Variants in PCDHGB6 observed in about 807,000 individuals in gnomAD.
PCDHGB6 encodes protocadherin gamma-B6.
In PCDHGB6, 51 loss-of-function variants were observed where a neutral mutation model predicts 59.1. The observed-to-expected ratio is 0.86, with a 90% confidence interval of 0.69 to 1.09. The LOEUF (loss-of-function observed/expected upper bound fraction) is 1.09. Ranked by LOEUF, PCDHGB6 falls within the 50% of genes least tolerant of loss-of-function variation. PCDHGB6 has a pLI of 0.00. For missense variants in PCDHGB6, 1,148 were observed against 1,205.1 expected, an observed-to-expected ratio of 0.95 and a Z score of 0.70; for synonymous variants, 466 against 495.1, an observed-to-expected ratio of 0.94 and a Z score of 0.78.
chr5:141,432,079 G>A lies in PCDHGB6; in HGVS notation c.2418+21459G>A, dbSNP rs138510025. On this transcript the variant is annotated intron_variant, in intron 1 of 3. Transcript: ENST00000520790. The surrounding 1 kb of genome is among the most constrained non-coding windows in gnomAD (Gnocchi z 6.0). ...TATCCACGGAAACTCATATCTCGCT[G>A]AACGTGGCAGACACCAACGACAACC... 1.6e-4 allele frequency: 252 copies of A among 1,614,054 alleles called. No homozygotes were observed. The highest frequency in any genetic ancestry group is 8.1e-5 in the Non-Finnish European group (96 of 1,180,048).
intron 1 of PCDHGB6, among the ~76,000 whole-genome samples, chr5:141,425,869 C>T (rs1376765137): frequency 2.0e-5 from 3 of 152,198 alleles, no homozygotes. Context: ...TATAGATTCC[C>T]ATCTCTAAGG....
At position 141,485,704 on chromosome 5, in the gene PCDHGB6, CTT is replaced by C; in HGVS notation, c.2419-9101_2419-9100del. On this transcript the variant is annotated intron_variant, in intron 1 of 3. Coordinates refer to ENST00000520790, the MANE Select transcript of PCDHGB6 (RefSeq NM_018926.3). The surrounding 1 kb of genome is among the most constrained non-coding windows in gnomAD (Gnocchi z 5.7). ...GCTATAGGCTGAGCTCCAATGAACA[CTT>C]TGCACTGGATGTGAAGAAGCGCAGC... is the stretch of plus-strand genomic sequence containing the variant. 6.2e-7 allele frequency: 1 copy of C among 1,614,180 alleles called. No homozygotes were observed. The highest frequency in any genetic ancestry group is 8.5e-7 in the Non-Finnish European group (1 of 1,180,032).
At chr5:141,425,248 G>GGCTGGGAAA (rs2096864506) in intron 1 of PCDHGB6, among the ~76,000 whole-genome samples, 1 of 152,178 alleles carries the variant, frequency 6.6e-6, no homozygotes, top group Non-Finnish European at 1.5e-5. Context: ...AAAAGGATAT[G>GGCTGGGAAA]AGGTATTTGG....
rs757503771 is a variant in PCDHGB6 at position 141,433,052 on chromosome 5, A to C, written c.2418+22432A>C. 31 of 1,614,060 alleles carry C rather than the reference A, an allele frequency of 1.9e-5. No homozygotes were observed. Among genetic ancestry groups the C allele is most frequent in the Non-Finnish European group, 1.8e-5 (21 of 1,180,044 alleles). On this transcript the variant is annotated intron_variant, in intron 1 of 3. Coordinates refer to ENST00000520790, the MANE Select transcript of PCDHGB6 (RefSeq NM_018926.3). ...GGTTTCCCTCACCACGGACTCGCGG[A>C]AGAGTCACCTGATCTTCCCCCAGCC...
rs2096144450 is a variant in PCDHGB6 at position 141,417,665 on chromosome 5, T to C, written c.2418+7045T>C. On this transcript the variant is annotated intron_variant, in intron 1 of 3. Coordinates refer to ENST00000520790, the MANE Select transcript of PCDHGB6 (RefSeq NM_018926.3). ...CCTCAGCCTCTAGCCTGGGATTCCCTGCGCAGCCAACAACAGAAAAGAAAA... is the reference window on the plus strand; with the variant it reads ...CCTCAGCCTCTAGCCTGGGATTCCCCGCGCAGCCAACAACAGAAAAGAAAA... 3.3e-6 allele frequency: 3 copies of C among 915,730 alleles called. No individual in the cohort carries two copies. In the South Asian group the frequency reaches 5.8e-5, roughly 18 times the overall value. 56.7% of individuals were successfully genotyped at this position (915,730 alleles called of 1,614,324 possible).
chr5:141,419,119 C>T lies in PCDHGB6; in HGVS notation c.2418+8499C>T. 2.5e-6 allele frequency: 4 copies of T among 1,613,896 alleles called. No individual in the cohort carries two copies. The South Asian group carries it at 3.3e-5, about 13-fold the overall frequency. Reference sequence around the variant, plus strand: ...GGGAGCAGACCCCAGAGTACAACGTCACCATCGCAGCCACAGACAGGGGCA... The same window carrying T: ...GGGAGCAGACCCCAGAGTACAACGTTACCATCGCAGCCACAGACAGGGGCA... On this transcript the variant is annotated intron_variant, in intron 1 of 3. Coordinates refer to ENST00000520790, the MANE Select transcript of PCDHGB6 (RefSeq NM_018926.3).
intron 1 of PCDHGB6, among the ~76,000 whole-genome samples, chr5:141,460,307 C>A (rs1025049001): frequency 6.6e-6 from 1 of 152,102 alleles, no homozygotes; most frequent in African/African-American, 2.4e-5. Context: ...TATTCAAAAA[C>A]TCCTTGCCTA....
intron 1 of PCDHGB6, chr5:141,413,946 G>A: frequency 6.2e-7 from 1 of 1,613,414 alleles, no homozygotes; most frequent in Non-Finnish European, 8.5e-7. Flanking sequence ...GTGTTCCTGA[G>A]AATTTGCCTG....
intron 1 of PCDHGB6, chr5:141,415,035 C>T (rs368588973): frequency 8.9e-5 from 143 of 1,613,460 alleles, no homozygotes; most frequent in Non-Finnish European, 1.1e-4. Flanking sequence ...AGCCGGGACT[C>T]TTCGCGGTGG....
Position 141,409,872 on chromosome 5 carries a change from A to G in PCDHGB6, c.1670A>G (p.Asp557Gly), listed in dbSNP as rs1283725014. ...CGCGTGTTGGTGGGAGACCGCAATG[A>G]CAACGCACCGCGGGTGCTGTACCCA... ...SLRVLVGDRN[D>G]NAPRVLYPAL... Residue 557 changes from aspartate (D) to glycine (G), a missense_variant, in exon 1 of 4, where the codon GAC (aspartate) becomes GGC (glycine). Transcript: ENST00000520790. 6.2e-7 allele frequency: 1 copy of G among 1,612,710 alleles called. No individual in the cohort carries two copies. The highest frequency in any genetic ancestry group is 8.5e-7 in the Non-Finnish European group (1 of 1,179,580).
intron 1 of PCDHGB6, among the ~76,000 whole-genome samples, chr5:141,437,923 A>G (rs893873818): frequency 2.0e-5 from 3 of 152,110 alleles, no homozygotes; most frequent in African/African-American, 7.2e-5. Context: ...TTTTTAGTAG[A>G]GATGGGGTTT....
rs1023591745 is a variant in PCDHGB6 at position 141,432,912 on chromosome 5, G to T, written c.2418+22292G>T. 2.5e-6 allele frequency: 4 copies of T among 1,614,160 alleles called. No individual in the cohort carries two copies. Among genetic ancestry groups the T allele is most frequent in the Non-Finnish European group, 3.4e-6 (4 of 1,180,012 alleles). On this transcript the variant is annotated intron_variant, in intron 1 of 3. Transcript: ENST00000520790. The surrounding 1 kb of genome is among the most constrained non-coding windows in gnomAD (Gnocchi z 6.0). Reference sequence around the variant, plus strand: ...TTGCTGCTGGCGCTCAGGCTGCGGCGCTGGCACAAGTCACGCCTGCTGCAG... The same window carrying T: ...TTGCTGCTGGCGCTCAGGCTGCGGCTCTGGCACAAGTCACGCCTGCTGCAG...
At position 141,431,435 on chromosome 5, in the gene PCDHGB6, G is replaced by A. The variant is rs376827063; in HGVS notation, c.2418+20815G>A. ...GGGCGACCCGGTGCGCACAGGCACC[G>A]CGCGCATCCGCGTGATGGTTCTGGA... On this transcript the variant is annotated intron_variant, in intron 1 of 3. Coordinates refer to ENST00000520790, the MANE Select transcript of PCDHGB6 (RefSeq NM_018926.3). The surrounding 1 kb of genome is among the most constrained non-coding windows in gnomAD (Gnocchi z 4.8). 2.5e-6 allele frequency: 4 copies of A among 1,613,550 alleles called. No homozygotes were observed. Among genetic ancestry groups the A allele is most frequent in the Non-Finnish European group, 3.4e-6 (4 of 1,180,034 alleles).
chr5:141,430,635 T>A, intron 1 of PCDHGB6: 3 of 881,948 alleles, frequency 3.4e-6, no homozygotes, highest in Non-Finnish European at 5.0e-6. Flanking sequence ...GAACCATCCC[T>A]GGGAGTATGT....
At chr5:141,419,668 G>A (rs752237614) in intron 1 of PCDHGB6, 1 of 1,612,892 alleles carries the variant, frequency 6.2e-7, no homozygotes, top group East Asian at 2.2e-5. Context: ...ACAATGCCTG[G>A]CTGTCCTACC....
intron 1 of PCDHGB6, chr5:141,423,652 A>G (rs746768292): frequency 1.9e-6 from 3 of 1,583,268 alleles, no homozygotes; most frequent in Non-Finnish European, 2.6e-6. Flanking sequence ...TGACCCGACA[A>G]GTAATCAGGT....
chr5:141,433,921 T>G (rs1203867326), intron 1 of PCDHGB6, among the ~76,000 whole-genome samples: 2 of 152,012 alleles, frequency 1.3e-5, no homozygotes, highest in African/African-American at 4.8e-5. Flanking sequence ...CACCTCCAAA[T>G]GAAGATTTTA....
chr5:141,499,466 G>C (rs1337970911), intron 2 of PCDHGB6, among the ~76,000 whole-genome samples: 1 of 152,034 alleles, frequency 6.6e-6, no homozygotes, highest in African/African-American at 2.4e-5. Flanking sequence ...TTACAATCTA[G>C]GGAGAACCAC....
chr5:141,506,994 G>A (rs1053891468), intron 3 of PCDHGB6: 1 of 152,126 alleles, frequency 6.6e-6, no homozygotes, highest in Non-Finnish European at 1.5e-5. Context: ...TCTCACACTC[G>A]ACAGATGAGA....
Sources: allele counts gnomAD v4.1 joint callset (sites outside exome capture counted in the v4.1 genomes callset), GRCh38; gene constraint gnomAD v4.1.1; non-coding constraint Gnocchi (gnomAD v3.1); transcripts MANE v1.5; gene names NCBI Gene and HGNC (gene_info 2026-07-23, HGNC 2026-07-21).